The following AFG2B variants were observed in gnomAD, a reference collection of about 807,000 sequenced individuals.
AFG2B encodes ATPase family gene 2 protein homolog B.
chr15:45,417,384 A>G, the AFG2B span: 1 of 1,613,926 alleles, frequency 6.2e-7, no homozygotes, highest in South Asian at 1.1e-5. Context: ...TCTATATCCC[A>G]CCTCCAGATC....
chr15:45,406,931 T>A, the AFG2B span: 60 of 1,002,318 alleles, frequency 6.0e-5, no homozygotes, highest in Non-Finnish European at 7.8e-5. Flanking sequence ...TAAAGTTCTG[T>A]GTGTAAAGAT....
At chr15:45,403,512 C>T in the AFG2B span, 2 of 1,602,696 alleles carry the variant, frequency 1.2e-6, no homozygotes, top group Non-Finnish European at 8.5e-7. Context: ...GGAGATTTGA[C>T]CGAGAGGTGA....
At chr15:45,414,799 A>C in the AFG2B span, 1 of 1,593,390 alleles carries the variant, frequency 6.3e-7, no homozygotes, top group Non-Finnish European at 8.6e-7. Context: ...ATTTCCCCAT[A>C]TGTTTAAATT....
At chr15:45,421,138 A>G in the AFG2B span, 2 of 1,613,164 alleles carry the variant, frequency 1.2e-6, no homozygotes, top group East Asian at 4.5e-5. Context: ...AACCGTCGTT[A>G]AGTTGCAAGG....
At chr15:45,405,563 TG>T in the AFG2B span, 1 of 1,546,694 alleles carries the variant, frequency 6.5e-7, no homozygotes, top group Non-Finnish European at 8.8e-7. Context: ...CAGATTAATT[TG>T]GGGGTTAAAA....
the AFG2B span, among the ~76,000 whole-genome samples, chr15:45,406,197 G>A: frequency 0.15 from 22,915 of 152,070 alleles, 5,699 homozygotes; most frequent in African/African-American, 0.52. Flanking sequence ...GTTATTCTGT[G>A]GAATATTCGT....
chr15:45,410,602 T>G, the AFG2B span: 1 of 1,429,306 alleles, frequency 7.0e-7, no homozygotes, highest in Non-Finnish European at 9.4e-7. Flanking sequence ...GATGACAACA[T>G]ACTGCGCTGA....
At chr15:45,415,839 C>A in the AFG2B span, 39 of 1,512,010 alleles carry the variant, frequency 2.6e-5, no homozygotes, top group Non-Finnish European at 3.4e-5. Flanking sequence ...CACCTAAAAT[C>A]CAGGCCAACA....
chr15:45,421,065 A>T, the AFG2B span: 1 of 1,611,350 alleles, frequency 6.2e-7, no homozygotes. Context: ...GCTCTGCAAG[A>T]AAATGGACTA....
chr15:45,405,016 T>C, the AFG2B span, among the ~76,000 whole-genome samples: 1 of 152,182 alleles, frequency 6.6e-6, no homozygotes, highest in Non-Finnish European at 1.5e-5. Context: ...CAAACATTTA[T>C]CATTTCTTAT....
At chr15:45,409,306 G>T in the AFG2B span, among the ~76,000 whole-genome samples, 5 of 151,394 alleles carry the variant, frequency 3.3e-5, no homozygotes, top group African/African-American at 1.2e-4. Flanking sequence ...GAACCCAGGA[G>T]GCGGAGGCTG....
chr15:45,410,385 CTG>C, the AFG2B span: 1 of 1,613,418 alleles, frequency 6.2e-7, no homozygotes, highest in East Asian at 2.2e-5. Flanking sequence ...CAGGACAATC[CTG>C]TGATTGATGA....
At chr15:45,420,824 T>C in the AFG2B span, among the ~76,000 whole-genome samples, 1 of 152,134 alleles carries the variant, frequency 6.6e-6, no homozygotes, top group East Asian at 1.9e-4. Flanking sequence ...AAACCCTGTC[T>C]CTACTAAAAA....
chr15:45,420,444 A>G, the AFG2B span, among the ~76,000 whole-genome samples: 1 of 152,346 alleles, frequency 6.6e-6, no homozygotes, highest in East Asian at 1.9e-4. Context: ...GATCAGGAAG[A>G]TATTCTCTCA....
chr15:45,407,046 A>G, the AFG2B span: 1 of 1,289,216 alleles, frequency 7.8e-7, no homozygotes, highest in African/African-American at 1.5e-5. Flanking sequence ...TTTGACCATA[A>G]GCACCTCTCA....
At chr15:45,419,992 C>CCA in the AFG2B span, among the ~76,000 whole-genome samples, 8 of 97,672 alleles carry the variant, frequency 8.2e-5, 1 homozygote, top group South Asian at 3.1e-3. Flanking sequence ...TCTGTCCCCC[C>CCA]CCCCCAAAAA....
the AFG2B span, among the ~76,000 whole-genome samples, chr15:45,412,664 C>T: frequency 6.6e-6 from 1 of 151,958 alleles, no homozygotes; most frequent in Non-Finnish European, 1.5e-5. Context: ...AAAAACTATT[C>T]TTAGTTTGGG....
chr15:45,417,581 TA>T, the AFG2B span: 22 of 541,320 alleles, frequency 4.1e-5, no homozygotes, highest in Non-Finnish European at 6.7e-5. Flanking sequence ...CAGAGAAACA[TA>T]AGCCTAAATA....
At chr15:45,414,476 G>A in the AFG2B span, 1 of 1,162,202 alleles carries the variant, frequency 8.6e-7, no homozygotes, top group Non-Finnish European at 1.2e-6. Flanking sequence ...CATAATAGGA[G>A]GCTGAGAATT....
Sources: gnomAD v4.1 joint callset for allele counts (sites outside exome capture counted in the v4.1 genomes callset) on GRCh38, gnomAD v4.1.1 for gene constraint, MANE v1.5 for transcripts, NCBI Gene and HGNC (gene_info 2026-07-23, HGNC 2026-07-21) for gene names.